The following JCAD variants were observed in gnomAD, a reference collection of about 807,000 sequenced individuals.
JCAD encodes the protein junctional cadherin 5 associated.
Under a neutral mutation model 98.0 loss-of-function variants are expected in JCAD, and 40 were observed. The ratio of observed to expected loss-of-function variants is 0.41; its 90% CI spans 0.32 to 0.53. JCAD has a LOEUF of 0.53. Among genes scored for constraint, JCAD ranks in the 20% least tolerant of loss-of-function variants. JCAD has a pLI of 0.31. For synonymous variants in JCAD, 691 were observed against 682.3 expected (o/e 1.01, Z -0.20); for missense variants, 1,705 against 1,738.1 (o/e 0.98, Z 0.34).
At chr10:30,106,485 T>G (rs1838583690) in intron 1 of JCAD, among the ~76,000 whole-genome samples, 1 of 151,934 alleles carries the variant, frequency 6.6e-6, no homozygotes, top group African/African-American at 2.4e-5. Context: ...TTTGTCACTG[T>G]GAAGCCTAGA....
chr10:30,014,852 T>C lies in JCAD; in HGVS notation c.*3031A>G, dbSNP rs1033601497. ...TTCCACGTGAATGAAACCCGCAACC[T>C]ACAACTCTGCTAAGGAAACCAGGAT... On this transcript the variant is annotated 3_prime_UTR_variant, in exon 4 of 4. Transcript: ENST00000375377. The C allele has an allele frequency of 3.9e-5, 6 of 152,156 alleles. No homozygotes were observed. The highest frequency in any genetic ancestry group is 7.2e-5 in the African/African-American group (3 of 41,434). The allele number at this position is 152,156 out of a possible 1,614,324, so 9.4% of individuals were successfully genotyped here. A position where few individuals can be genotyped will look rare whatever the true frequency, so the allele number is the denominator to read the frequency against.
intron 2 of JCAD, among the ~76,000 whole-genome samples, chr10:30,037,976 C>T (rs910562513): frequency 6.7e-6 from 1 of 148,620 alleles, no homozygotes; most frequent in African/African-American, 2.5e-5. Context: ...ATTGCCACTA[C>T]AGTGCCAACC....
intron 3 of JCAD, among the ~76,000 whole-genome samples, chr10:30,018,169 G>A (rs1051190743): frequency 1.3e-5 from 2 of 152,114 alleles, no homozygotes; most frequent in South Asian, 2.1e-4. Flanking sequence ...ATACTTCGGC[G>A]GCTCCTTCCT....
At chr10:30,063,817 T>C (rs1057459122), upstream of JCAD, among the ~76,000 whole-genome samples, 14 of 152,080 alleles carry the variant, frequency 9.2e-5, no homozygotes, top group Non-Finnish European at 1.5e-4. Context: ...TGGGATCTTT[T>C]TTTTTTTCAA....
chr10:30,028,741 C>A lies in JCAD; in HGVS notation c.1407G>T (p.Gln469His). 1 of 1,614,118 alleles carries A rather than the reference C, an allele frequency of 6.2e-7. No individual in the cohort carries two copies. Among genetic ancestry groups the A allele is most frequent in the Middle Eastern group, 1.6e-4 (1 of 6,062 alleles). The change falls in exon 3 of 4, where the codon CAG (glutamine) becomes CAT (histidine). Residue 469 changes from glutamine (Q) to histidine (H), a missense_variant. Physicochemically the swap from Gln to His is conservative, Grantham distance 24. This residue lies in a region of JCAD where 1,278 missense variants were observed against 1,243.1 expected (regional missense o/e 1.03). Transcript: ENST00000375377. ...GTGGATTCCAAATGGCACCATCAGGCTGCATTCCTCCATGAGCCGGCTCTT... is the reference window on the plus strand; with the variant it reads ...GTGGATTCCAAATGGCACCATCAGGATGCATTCCTCCATGAGCCGGCTCTT... ...TAQEPAHGGM[Q>H]PDGAIWNPQS... is the part of the protein sequence containing the mutation.
chr10:30,051,992 G>T (rs1183457881), intron 1 of JCAD, among the ~76,000 whole-genome samples: 3 of 152,130 alleles, frequency 2.0e-5, no homozygotes, highest in Non-Finnish European at 2.9e-5. Flanking sequence ...TCATCAAATG[G>T]ATTCTCATCA....
chr10:30,053,359 G>C (rs1357733693), intron 1 of JCAD, among the ~76,000 whole-genome samples: 1 of 151,902 alleles, frequency 6.6e-6, no homozygotes, highest in Non-Finnish European at 1.5e-5. Context: ...TCAGGAGTTA[G>C]AGACCAGCCT....
intron 1 of JCAD, among the ~76,000 whole-genome samples, chr10:30,086,681 A>T (rs2132689748): frequency 6.6e-6 from 1 of 152,340 alleles, no homozygotes; most frequent in Admixed American, 6.5e-5. Flanking sequence ...TTCCCAGAGC[A>T]CATATGCTGG....
chr10:30,067,455 T>C (rs970721842), intron 2 of JCAD, among the ~76,000 whole-genome samples: 2 of 152,074 alleles, frequency 1.3e-5, no homozygotes, highest in Non-Finnish European at 1.5e-5. Context: ...GCCTCCCTAG[T>C]AGCTGGGACT....
intron 1 of JCAD, among the ~76,000 whole-genome samples, chr10:30,106,496 G>A (rs974970822): frequency 2.0e-5 from 3 of 152,084 alleles, no homozygotes. Flanking sequence ...GAAGCCTAGA[G>A]TAGCACAGAA....
chr10:30,100,297 A>G (rs1189943080), intron 1 of JCAD, among the ~76,000 whole-genome samples: 2 of 152,220 alleles, frequency 1.3e-5, no homozygotes, highest in Non-Finnish European at 2.9e-5. Context: ...TTTTGTTAAC[A>G]AAGAGTCGAA....
intron 1 of JCAD, 122 bp from the exon 2 acceptor site, chr10:30,047,993 C>T: frequency 1.8e-6 from 1 of 559,422 alleles, no homozygotes; most frequent in Middle Eastern, 4.7e-4. Flanking sequence ...ACAGAACCTG[C>T]ACAGAAAGAG....
At chr10:30,078,820 A>C (rs1055302943) in intron 1 of JCAD, among the ~76,000 whole-genome samples, 2 of 152,210 alleles carry the variant, frequency 1.3e-5, no homozygotes, top group African/African-American at 4.8e-5. Flanking sequence ...TGATGCTGGC[A>C]ACATTCAGGA....
intron 1 of JCAD, among the ~76,000 whole-genome samples, chr10:30,110,515 T>A (rs905860177): frequency 1.1e-5 from 1 of 89,614 alleles, no homozygotes; most frequent in Non-Finnish European, 2.9e-5. Context: ...GACTAGCTGA[T>A]GTATGGACTC....
intron 2 of JCAD, among the ~76,000 whole-genome samples, chr10:30,033,760 C>T (rs191212790): frequency 1.3e-4 from 20 of 152,314 alleles, no homozygotes; most frequent in Admixed American, 2.6e-4. Context: ...AGCAACAGTG[C>T]GTGAAGCCTG....
chr10:30,018,441 C>T (rs1052877349), intron 3 of JCAD, among the ~76,000 whole-genome samples: 1 of 152,096 alleles, frequency 6.6e-6, no homozygotes, highest in African/African-American at 2.4e-5. Context: ...TGTCTCTCAT[C>T]ACCACTGACC....
intron 1 of JCAD, among the ~76,000 whole-genome samples, chr10:30,057,533 C>T (rs1837598191): frequency 6.6e-6 from 1 of 152,126 alleles, no homozygotes; most frequent in African/African-American, 2.4e-5. Context: ...GTCAAGTCAT[C>T]CAGAGCATGT....
Position 30,082,416 on chromosome 10 carries a change from T to C in JCAD, n.129-12595A>G, listed in dbSNP as rs140499970. Among the ~76,000 whole-genome samples, 1,302 of 152,218 alleles carry C rather than the reference T, an allele frequency of 8.6e-3. 6 individuals carry two copies. The highest frequency in any genetic ancestry group is 0.037 in the Middle Eastern group (11 of 294). Reference sequence around the variant, plus strand: ...AAACAACACAAAACCTAATTGAAAGTATATTTTAAAAGATGATATGGGCCG... The same window carrying C: ...AAACAACACAAAACCTAATTGAAAGCATATTTTAAAAGATGATATGGGCCG... On this transcript the variant is annotated intron_variant and non_coding_transcript_variant, in intron 1 of 2. Coordinates refer to the JCAD transcript ENST00000465712.
At chr10:30,055,003 G>T (rs896966387) in intron 1 of JCAD, among the ~76,000 whole-genome samples, 2 of 152,168 alleles carry the variant, frequency 1.3e-5, no homozygotes, top group African/African-American at 4.8e-5. Flanking sequence ...TAGGTATTTG[G>T]AAGCCTCAAT....
Sources: allele counts gnomAD v4.1 joint callset (sites outside exome capture counted in the v4.1 genomes callset), GRCh38; gene constraint gnomAD v4.1.1; regional missense constraint gnomAD v4.1.1; transcripts MANE v1.5; gene names NCBI Gene and HGNC (gene_info 2026-07-23, HGNC 2026-07-21).